LRMDA: variants seen among roughly 807,000 people sequenced by gnomAD.
LRMDA encodes the protein leucine-rich melanocyte differentiation-associated protein.
In LRMDA, 18 loss-of-function variants were observed where a neutral mutation model predicts 29.8. The ratio of observed to expected loss-of-function variants is 0.60; its 90% CI spans 0.42 to 0.90. The LOEUF (loss-of-function observed/expected upper bound fraction) is 0.90. Ranked by LOEUF, LRMDA falls within the 40% of genes least tolerant of loss-of-function variation. LRMDA has a pLI of 0.00. For missense variants in LRMDA, 273 were observed against 273.9 expected, an observed-to-expected ratio of 1.00 and a Z score of 0.02; for synonymous variants, 125 against 109.4, an observed-to-expected ratio of 1.14 and a Z score of -0.89.
intron 5 of LRMDA, among the ~76,000 whole-genome samples, chr10:76,096,704 A>G (rs1849316952): frequency 6.6e-6 from 1 of 152,122 alleles, no homozygotes; most frequent in Non-Finnish European, 1.5e-5. Context: ...GAGAGAATTG[A>G]CATCTTAACA....
chr10:75,609,741 C>G (rs1244099568), intron 2 of LRMDA, among the ~76,000 whole-genome samples: 1 of 152,164 alleles, frequency 6.6e-6, no homozygotes, highest in Non-Finnish European at 1.5e-5. Flanking sequence ...ATGTGAGCCT[C>G]AGGTGGAACC....
At chr10:75,635,013 C>T (rs992069982) in intron 2 of LRMDA, among the ~76,000 whole-genome samples, 7 of 152,110 alleles carry the variant, frequency 4.6e-5, no homozygotes, top group African/African-American at 1.7e-4. Context: ...GTAGTCTTCC[C>T]ATCTCTTAAG....
chr10:75,508,485 G>A (rs1367903328), intron 2 of LRMDA, among the ~76,000 whole-genome samples: 1 of 152,172 alleles, frequency 6.6e-6, no homozygotes, highest in Non-Finnish European at 1.5e-5. Flanking sequence ...AACTTGACTG[G>A]AGTGCTGTTT....
intron 2 of LRMDA, among the ~76,000 whole-genome samples, chr10:75,622,280 A>G (rs1436208278): frequency 6.7e-6 from 1 of 150,206 alleles, no homozygotes; most frequent in Admixed American, 6.7e-5. Flanking sequence ...TATGAAATTA[A>G]TGGTGTTTTA....
intron 2 of LRMDA, among the ~76,000 whole-genome samples, chr10:75,795,289 A>G (rs187146529): frequency 6.6e-6 from 1 of 152,176 alleles, no homozygotes; most frequent in African/African-American, 2.4e-5. Context: ...AGTTATGCAG[A>G]AGGCTGAGGC....
chr10:76,449,702 T>C (rs770392204), intron 6 of LRMDA, among the ~76,000 whole-genome samples: 1 of 151,946 alleles, frequency 6.6e-6, no homozygotes, highest in Non-Finnish European at 1.5e-5. Flanking sequence ...ATCAAAATAT[T>C]TTCATTAATT....
intron 2 of LRMDA, among the ~76,000 whole-genome samples, chr10:75,632,034 T>C (rs1465297631): frequency 6.6e-6 from 1 of 152,228 alleles, no homozygotes; most frequent in Non-Finnish European, 1.5e-5. Flanking sequence ...TGTTGGCTCC[T>C]AATATTCCCA....
At chr10:76,493,990 C>G (rs1053344145) in intron 6 of LRMDA, among the ~76,000 whole-genome samples, 4 of 151,936 alleles carry the variant, frequency 2.6e-5, no homozygotes, top group African/African-American at 9.6e-5. Flanking sequence ...TTTATATGTA[C>G]CTTTAATTGA....
intron 2 of LRMDA, among the ~76,000 whole-genome samples, chr10:75,961,413 C>T (rs866717542): frequency 6.6e-6 from 1 of 152,148 alleles, no homozygotes; most frequent in African/African-American, 2.4e-5. Flanking sequence ...CATGTGTTCC[C>T]CCACGGGGGT....
intron 2 of LRMDA, among the ~76,000 whole-genome samples, chr10:75,563,878 C>G (rs1202349132): frequency 1.3e-5 from 2 of 151,460 alleles, no homozygotes; most frequent in South Asian, 2.1e-4. Context: ...GCTGTCTGAT[C>G]GTTCCTCTGG....
intron 2 of LRMDA, among the ~76,000 whole-genome samples, chr10:75,623,593 C>T (rs1229840912): frequency 2.0e-5 from 3 of 152,168 alleles, no homozygotes; most frequent in Non-Finnish European, 4.4e-5. Flanking sequence ...CTGAGAGTTG[C>T]TAGTGTTTAT....
At chr10:75,574,252 C>T (rs542996611) in intron 2 of LRMDA, among the ~76,000 whole-genome samples, 1 of 152,236 alleles carries the variant, frequency 6.6e-6, no homozygotes, top group South Asian at 2.1e-4. Context: ...GTCTTCTTTT[C>T]CCACTTACTT....
At chr10:76,277,272 C>G (rs994210690) in intron 5 of LRMDA, among the ~76,000 whole-genome samples, 16 of 152,072 alleles carry the variant, frequency 1.1e-4, no homozygotes, top group African/African-American at 3.4e-4. Flanking sequence ...ACAATAAACC[C>G]AGAAATTCAC....
At chr10:75,692,218 AAAT>A (rs1473506581) in intron 2 of LRMDA, among the ~76,000 whole-genome samples, 792 of 43,886 alleles carry the variant, frequency 0.018, 4 homozygotes, top group East Asian at 0.11. Flanking sequence ...GAAAAAAAAA[AAAT>A]ATATATATAT....
At chr10:75,691,476 A>G (rs892131754) in intron 2 of LRMDA, among the ~76,000 whole-genome samples, 8 of 151,956 alleles carry the variant, frequency 5.3e-5, no homozygotes, top group Admixed American at 1.3e-4. Flanking sequence ...AGTTGTGTTT[A>G]TTGTACACAT....
At chr10:76,177,977 G>T (rs987782418) in intron 5 of LRMDA, among the ~76,000 whole-genome samples, 1 of 152,186 alleles carries the variant, frequency 6.6e-6, no homozygotes, top group African/African-American at 2.4e-5. Context: ...GCTCCCCCAT[G>T]CTGCTTAGCT....
chr10:76,365,405 C>T (rs539676859), intron 6 of LRMDA, among the ~76,000 whole-genome samples: 6 of 152,094 alleles, frequency 3.9e-5, no homozygotes, highest in Non-Finnish European at 5.9e-5. Flanking sequence ...TCCATTCCAA[C>T]ATCTACTGTT....
chr10:76,315,656 G>C (rs1840685681), intron 5 of LRMDA, among the ~76,000 whole-genome samples: 1 of 152,168 alleles, frequency 6.6e-6, no homozygotes, highest in South Asian at 2.1e-4. Flanking sequence ...CGGGCCTGTA[G>C]ACACCCCTCA....
intron 2 of LRMDA, among the ~76,000 whole-genome samples, chr10:75,466,407 C>A (rs1399001263): frequency 6.6e-6 from 1 of 152,000 alleles, no homozygotes; most frequent in Non-Finnish European, 1.5e-5. Flanking sequence ...GTGGGGGAAG[C>A]CTCTATGGTA....
Sources: gnomAD v4.1 joint callset for allele counts (sites outside exome capture counted in the v4.1 genomes callset) on GRCh38, gnomAD v4.1.1 for gene constraint, MANE v1.5 for transcripts, NCBI Gene and HGNC (gene_info 2026-07-23, HGNC 2026-07-21) for gene names.